Variants in ZSWIM5 observed in about 807,000 individuals in gnomAD.
The protein encoded by ZSWIM5 is zinc finger SWIM domain-containing protein 5.
In ZSWIM5, 55 loss-of-function variants were observed where a neutral mutation model predicts 119.6. The ratio of observed to expected loss-of-function variants is 0.46; its 90% CI spans 0.37 to 0.58. The LOEUF (loss-of-function observed/expected upper bound fraction) is 0.58, where lower values mean the gene tolerates loss of function less well. Among genes scored for constraint, ZSWIM5 ranks in the 20% least tolerant of loss-of-function variants. The pLI, the probability that ZSWIM5 is intolerant of heterozygous loss-of-function variation, is 0.00. For synonymous variants in ZSWIM5, 537 were observed against 606.9 expected (o/e 0.88, Z 1.69); for missense variants, 1,193 against 1,512.8 (o/e 0.79, Z 3.51).
At chr1:45,102,540 T>C (rs1645446249) in intron 1 of ZSWIM5, among the ~76,000 whole-genome samples, 1 of 152,214 alleles carries the variant, frequency 6.6e-6, no homozygotes, top group African/African-American at 2.4e-5. Context: ...AGATTGTGAG[T>C]TCCTTGAATA....
At chr1:45,059,632 C>G (rs1645141715) in intron 3 of ZSWIM5, among the ~76,000 whole-genome samples, 2 of 151,922 alleles carry the variant, frequency 1.3e-5, no homozygotes, top group Admixed American at 6.6e-5. Context: ...AACCACTGAA[C>G]TGAATTTTAA....
At chr1:45,100,111 C>T (rs1342189107) in intron 1 of ZSWIM5, among the ~76,000 whole-genome samples, 1 of 152,078 alleles carries the variant, frequency 6.6e-6, no homozygotes, top group Admixed American at 6.6e-5. Context: ...TCAAATTGTC[C>T]CTGTTTGCAG....
chr1:45,155,662 A>G (rs1645822734), intron 1 of ZSWIM5, among the ~76,000 whole-genome samples: 1 of 152,244 alleles, frequency 6.6e-6, no homozygotes, highest in South Asian at 2.1e-4. Context: ...GAGTGGATAA[A>G]GAAACTGTAG....
intron 1 of ZSWIM5, among the ~76,000 whole-genome samples, chr1:45,111,715 T>C (rs61788393): frequency 0.072 from 11,027 of 152,362 alleles, 492 homozygotes; most frequent in Non-Finnish European, 0.1. Context: ...GCTGTATCAA[T>C]CTGACATTGA....
At chr1:45,196,996 T>G (rs559532807) in intron 1 of ZSWIM5, among the ~76,000 whole-genome samples, 4 of 152,192 alleles carry the variant, frequency 2.6e-5, no homozygotes, top group Admixed American at 2.6e-4. Context: ...CTGCTTAACT[T>G]TGAGACTTTC....
chr1:45,033,453 T>C (rs767126407), intron 11 of ZSWIM5, among the ~76,000 whole-genome samples: 1 of 152,220 alleles, frequency 6.6e-6, no homozygotes, highest in African/African-American at 2.4e-5. Context: ...CAGGAGCTCA[T>C]GGTGGCTAGC....
At chr1:45,178,982 CAA>C (rs1645998260) in intron 1 of ZSWIM5, among the ~76,000 whole-genome samples, 2 of 151,524 alleles carry the variant, frequency 1.3e-5, no homozygotes, top group African/African-American at 4.8e-5. Context: ...GATCAACATA[CAA>C]AAATCAGTTA....
In ZSWIM5 at chr1:45,185,399, T is replaced by C. The variant is rs960872721; in HGVS notation, c.595+20357A>G. 8.6e-5 allele frequency among the ~76,000 whole-genome samples: 13 copies of C among 151,640 alleles called. No homozygotes were observed. The South Asian group carries it at 2.5e-3, about 29-fold the overall frequency. ...GGCAACAAAAGCCAAAATTGACAAATGGGATCTAATTAAACGAAAGAGCTT... is the reference window on the plus strand; with the variant it reads ...GGCAACAAAAGCCAAAATTGACAAACGGGATCTAATTAAACGAAAGAGCTT... On this transcript the variant is annotated intron_variant, in intron 1 of 13. Coordinates refer to ENST00000359600, the MANE Select transcript of ZSWIM5 (RefSeq NM_020883.2).
chr1:45,102,210 A>G (rs567770937), intron 1 of ZSWIM5, among the ~76,000 whole-genome samples: 10 of 152,166 alleles, frequency 6.6e-5, no homozygotes, highest in Non-Finnish European at 1.2e-4. Flanking sequence ...ATTTCTTTCT[A>G]TCTCTTCAGA....
chr1:45,096,746 G>T (rs1227041266), intron 1 of ZSWIM5, among the ~76,000 whole-genome samples: 1 of 152,172 alleles, frequency 6.6e-6, no homozygotes, highest in Non-Finnish European at 1.5e-5. Context: ...CTATGGCTTA[G>T]ACAGCTTCCC....
intron 1 of ZSWIM5, among the ~76,000 whole-genome samples, chr1:45,128,908 T>C (rs759602733): frequency 6.6e-5 from 10 of 152,194 alleles, no homozygotes; most frequent in Admixed American, 6.5e-5. Flanking sequence ...AGCCTTTTTA[T>C]ACTGATTTCT....
chr1:45,083,336 G>A (rs1645306011), intron 2 of ZSWIM5, among the ~76,000 whole-genome samples: 1 of 151,880 alleles, frequency 6.6e-6, no homozygotes, highest in Admixed American at 6.6e-5. Flanking sequence ...TTGCAGCCTT[G>A]ACATCCTGGG....
rs924717509 is a variant in ZSWIM5, at chr1:45,036,284, C to G, written c.1910G>C (p.Arg637Thr). The change falls in exon 9 of 14, where the codon AGA (arginine) becomes ACA (threonine). Residue 637 changes from arginine to threonine, a missense_variant. Physicochemically the swap from Arg to Thr is moderately conservative, Grantham distance 71. Around this residue, in one of 2 missense-constraint regions of ZSWIM5, gnomAD observed 961 missense variants for 1,290.0 expected, o/e 0.74. Transcript: ENST00000359600. ...AGGTACATGCTGGTACACAGGGGGT[C>G]TGCTTTCATTCATATCTGAGGGCAA... ...YLEMSDMNESRPPVYQHVPVA... is the reference protein window; with the variant it reads ...YLEMSDMNESTPPVYQHVPVA... 2 of 1,612,712 alleles carry G rather than the reference C, an allele frequency of 1.2e-6. No homozygotes were observed. Among genetic ancestry groups the G allele is most frequent in the African/African-American group, 1.3e-5 (1 of 74,816 alleles).
intron 4 of ZSWIM5, among the ~76,000 whole-genome samples, chr1:45,055,664 T>C (rs1401971007): frequency 6.6e-6 from 1 of 152,156 alleles, no homozygotes; most frequent in Non-Finnish European, 1.5e-5. Context: ...GGACTGAATA[T>C]ATAATCATTT....
chr1:45,202,678 A>C (rs188617407), intron 1 of ZSWIM5, among the ~76,000 whole-genome samples: 1 of 152,228 alleles, frequency 6.6e-6, no homozygotes, highest in African/African-American at 2.4e-5. Context: ...AATTTTTAAA[A>C]CTAAATATCC....
intron 1 of ZSWIM5, among the ~76,000 whole-genome samples, chr1:45,137,395 T>C (rs74711134): frequency 0.072 from 11,014 of 152,210 alleles, 493 homozygotes; most frequent in Non-Finnish European, 0.1. Flanking sequence ...GGACCTTCTA[T>C]TTTAGAAGAA....
At chr1:45,123,516 G>C (rs191922645) in intron 1 of ZSWIM5, among the ~76,000 whole-genome samples, 2 of 151,944 alleles carry the variant, frequency 1.3e-5, no homozygotes, top group Admixed American at 6.6e-5. Flanking sequence ...CAGAGAAATC[G>C]GTAAACTTGA....
chr1:45,123,396 C>T (rs1017647369), intron 1 of ZSWIM5, among the ~76,000 whole-genome samples: 5 of 152,242 alleles, frequency 3.3e-5, no homozygotes, highest in African/African-American at 1.2e-4. Context: ...AATAGAATCT[C>T]TCAGCAGAGA....
intron 2 of ZSWIM5, among the ~76,000 whole-genome samples, chr1:45,068,661 T>C (rs866095274): frequency 3.9e-5 from 6 of 152,152 alleles, no homozygotes; most frequent in Non-Finnish European, 8.8e-5. Flanking sequence ...CTGAATGGTA[T>C]CAGGTAGAAA....
Sources: allele counts gnomAD v4.1 joint callset (sites outside exome capture counted in the v4.1 genomes callset), GRCh38; gene constraint gnomAD v4.1.1; regional missense constraint gnomAD v4.1.1; transcripts MANE v1.5; gene names NCBI Gene and HGNC (gene_info 2026-07-23, HGNC 2026-07-21).